The following OPCML variants were observed in gnomAD, a reference collection of about 807,000 sequenced individuals.
The protein encoded by OPCML is opioid binding protein/cell adhesion molecule like, also known as opioid-binding protein/cell adhesion molecule.
In OPCML, 13 loss-of-function variants were observed where a neutral mutation model predicts 37.8. The observed-to-expected ratio is 0.34, with a 90% confidence interval of 0.22 to 0.55. The LOEUF (loss-of-function observed/expected upper bound fraction) is 0.55. Ranked by LOEUF, OPCML falls within the 20% of genes least tolerant of loss-of-function variation. The probability of loss-of-function intolerance (pLI) is 0.91; values close to 1 mark genes in which losing one functional copy is unlikely to be tolerated. For missense variants in OPCML, 341 were observed against 435.6 expected (o/e 0.78, Z 1.93); for synonymous variants, 176 against 168.8 (o/e 1.04, Z -0.33).
At chr11:132,441,158 C>CTTTTTTGTTTTT (rs2096031601) in intron 4 of OPCML, among the ~76,000 whole-genome samples, 1 of 108,058 alleles carries the variant, frequency 9.3e-6, no homozygotes, top group Non-Finnish European at 1.8e-5. Context: ...TCACCAAGGA[C>CTTTTTTGTTTTT]TTTTTTGTTT....
intron 1 of OPCML, among the ~76,000 whole-genome samples, chr11:133,221,156 T>C (rs780263157): frequency 6.6e-6 from 1 of 152,182 alleles, no homozygotes; most frequent in African/African-American, 2.4e-5. Flanking sequence ...TGGCTGGCCA[T>C]ACCCCGTCAA....
intron 1 of OPCML, among the ~76,000 whole-genome samples, chr11:133,529,408 G>C (rs776739331): frequency 6.6e-6 from 1 of 152,190 alleles, no homozygotes; most frequent in Non-Finnish European, 1.5e-5. Context: ...ACCCCAACCA[G>C]GGGTGTCCAG....
chr11:133,089,362 C>T (rs1948869425), intron 1 of OPCML, among the ~76,000 whole-genome samples: 1 of 152,104 alleles, frequency 6.6e-6, no homozygotes, highest in Admixed American at 6.5e-5. Context: ...ATTTTACTTA[C>T]CTAGATAAAT....
intron 1 of OPCML, among the ~76,000 whole-genome samples, chr11:133,056,278 G>A (rs888591338): frequency 2.6e-5 from 4 of 152,174 alleles, no homozygotes; most frequent in East Asian, 1.9e-4. Flanking sequence ...CTACTGTGTG[G>A]CCCTAAAAGG....
In OPCML at chr11:133,180,838, C is replaced by CAAA. The variant is rs34333844; in HGVS notation, c.62-237831_62-237829dup. Among the ~76,000 whole-genome samples, 359 of 93,566 alleles carry CAAA rather than the reference C, an allele frequency of 3.8e-3. 8 individuals are homozygous for CAAA. The highest frequency in any genetic ancestry group is 0.027 in the Middle Eastern group (3 of 110). 61.4% of individuals were successfully genotyped at this position (93,566 alleles called of 152,430 possible). ...TGGAGACAGCGAGTGCTCAGCAAAG[C>CAAA]AAAAAAAAAAAAAAAAAGTGGGGAT... On this transcript the variant is annotated intron_variant, in intron 1 of 7. Transcript: ENST00000524381.
chr11:133,296,380 C>T (rs142045053), intron 1 of OPCML, among the ~76,000 whole-genome samples: 86 of 152,254 alleles, frequency 5.6e-4, no homozygotes, highest in African/African-American at 2.0e-3. Flanking sequence ...TTCACAGTCA[C>T]CTGAATTAAA....
At chr11:133,318,349 T>C (rs1943251847) in intron 1 of OPCML, among the ~76,000 whole-genome samples, 1 of 152,158 alleles carries the variant, frequency 6.6e-6, no homozygotes, top group Non-Finnish European at 1.5e-5. Context: ...CTATACCTCA[T>C]CATCCTGGAT....
intron 1 of OPCML, among the ~76,000 whole-genome samples, chr11:133,152,990 C>T (rs1213668416): frequency 2.6e-5 from 4 of 152,090 alleles, no homozygotes; most frequent in African/African-American, 7.2e-5. Context: ...GGAGCAGTCT[C>T]CACAGCGGGC....
intron 2 of OPCML, among the ~76,000 whole-genome samples, chr11:132,899,765 T>A (rs917516845): frequency 1.3e-5 from 2 of 152,070 alleles, no homozygotes; most frequent in Non-Finnish European, 2.9e-5. Flanking sequence ...TCACTGTATG[T>A]GGGCACCATC....
At chr11:133,054,788 G>A (rs1332104850) in intron 1 of OPCML, among the ~76,000 whole-genome samples, 4 of 152,124 alleles carry the variant, frequency 2.6e-5, no homozygotes, top group Non-Finnish European at 2.9e-5. Context: ...TGAAGGAGCT[G>A]CCTTTACTAT....
At chr11:132,552,851 C>T (rs890902018) in intron 3 of OPCML, among the ~76,000 whole-genome samples, 2 of 145,884 alleles carry the variant, frequency 1.4e-5, no homozygotes, top group Admixed American at 7.1e-5. Flanking sequence ...ACTGCAAGCT[C>T]CACCTCCCAG....
chr11:132,898,526 C>T (rs1943932473), intron 2 of OPCML, among the ~76,000 whole-genome samples: 1 of 152,162 alleles, frequency 6.6e-6, no homozygotes, highest in Non-Finnish European at 1.5e-5. Context: ...AATAAAATGG[C>T]CTTTTGAAGT....
intron 1 of OPCML, among the ~76,000 whole-genome samples, chr11:132,950,323 G>A (rs1945831123): frequency 6.6e-6 from 1 of 152,176 alleles, no homozygotes; most frequent in Admixed American, 6.5e-5. Flanking sequence ...GAGGTGAGGG[G>A]TGCATTCCTG....
intron 3 of OPCML, among the ~76,000 whole-genome samples, chr11:132,596,002 G>T (rs1378040243): frequency 6.6e-6 from 1 of 152,168 alleles, no homozygotes; most frequent in African/African-American, 2.4e-5. Context: ...TTAGTTAAAA[G>T]AAGTAGCTTT....
intron 1 of OPCML, among the ~76,000 whole-genome samples, chr11:133,480,151 G>A (rs886217811): frequency 2.0e-5 from 3 of 152,120 alleles, no homozygotes; most frequent in African/African-American, 7.2e-5. Context: ...TCCCTTGATC[G>A]GATGGCTTGG....
At chr11:133,123,697 T>G (rs1262049864) in intron 1 of OPCML, among the ~76,000 whole-genome samples, 1 of 151,978 alleles carries the variant, frequency 6.6e-6, no homozygotes, top group Admixed American at 6.6e-5. Flanking sequence ...AATAACCATA[T>G]GCCAAAAGGT....
intron 1 of OPCML, chr11:133,026,214 C>G (rs972526304): frequency 2.9e-6 from 2 of 691,132 alleles, no homozygotes; most frequent in African/African-American, 3.9e-5. Flanking sequence ...AGCTTTCGAG[C>G]CAGGTTAGAG....
intron 4 of OPCML, among the ~76,000 whole-genome samples, chr11:132,498,825 C>T (rs1041102023): frequency 6.6e-6 from 1 of 152,108 alleles, no homozygotes; most frequent in African/African-American, 2.4e-5. Context: ...CAGTGCATGA[C>T]TTTATTGAAA....
chr11:132,554,863 G>GTTTTTTTTTTTTTTTTTTTTTTTTTTTT (rs5795789), intron 3 of OPCML, among the ~76,000 whole-genome samples: 7 of 64,028 alleles, frequency 1.1e-4, no homozygotes, highest in Non-Finnish European at 8.1e-5. Flanking sequence ...ATGGGGTAAA[G>GTTTTTTTTTTTTTTTTTTTTTTTTTTTT]TTTTTTTTTT....
Sources: allele counts gnomAD v4.1 joint callset (sites outside exome capture counted in the v4.1 genomes callset), GRCh38; gene constraint gnomAD v4.1.1; transcripts MANE v1.5; gene names NCBI Gene and HGNC (gene_info 2026-07-23, HGNC 2026-07-21).